SLC60A1: variants seen among roughly 807,000 people sequenced by gnomAD.
SLC60A1 encodes major facilitator superfamily domain containing 4.
the SLC60A1 span, among the ~76,000 whole-genome samples, chr1:205,593,790 TAGC>T: frequency 6.6e-6 from 1 of 152,188 alleles, no homozygotes; most frequent in Non-Finnish European, 1.5e-5. Context: ...ATAACCCTCT[TAGC>T]AGTTCATTTC....
At chr1:205,589,448 G>A in the SLC60A1 span, among the ~76,000 whole-genome samples, 1 of 152,156 alleles carries the variant, frequency 6.6e-6, no homozygotes. Flanking sequence ...AAGTGGGCAG[G>A]AAGCCAATAG....
the SLC60A1 span, chr1:205,597,606 G>A: frequency 1.7e-6 from 1 of 589,954 alleles, no homozygotes; most frequent in Non-Finnish European, 3.1e-6. Context: ...ATATTGCCCA[G>A]ACTGGTCTTG....
At chr1:205,569,048 C>A in the SLC60A1 span, 3 of 1,444,528 alleles carry the variant, frequency 2.1e-6, no homozygotes, top group Non-Finnish European at 2.7e-6. Flanking sequence ...GGACCAGATC[C>A]GCGAGCCCGT....
chr1:205,572,032 G>A, the SLC60A1 span, among the ~76,000 whole-genome samples: 1 of 152,310 alleles, frequency 6.6e-6, no homozygotes, highest in South Asian at 2.1e-4. Flanking sequence ...TGGGGCTTGT[G>A]GATGCCTCCA....
At chr1:205,569,964 G>A in the SLC60A1 span, among the ~76,000 whole-genome samples, 1 of 151,296 alleles carries the variant, frequency 6.6e-6, no homozygotes, top group Non-Finnish European at 1.5e-5. Flanking sequence ...GGACCTCACC[G>A]TTAAGGCCAG....
At chr1:205,586,961 G>A in the SLC60A1 span, among the ~76,000 whole-genome samples, 1 of 152,236 alleles carries the variant, frequency 6.6e-6, no homozygotes, top group East Asian at 1.9e-4. Flanking sequence ...GCCTCCCAAA[G>A]TGCTGGGATT....
chr1:205,597,078 C>G, the SLC60A1 span, among the ~76,000 whole-genome samples: 1 of 152,298 alleles, frequency 6.6e-6, no homozygotes, highest in South Asian at 2.1e-4. Flanking sequence ...AATGCCAGGA[C>G]AGCGAAGACA....
chr1:205,588,146 A>G, the SLC60A1 span, among the ~76,000 whole-genome samples: 1 of 152,144 alleles, frequency 6.6e-6, no homozygotes, highest in East Asian at 1.9e-4. Flanking sequence ...TCCCAAATAC[A>G]TTAGATTCAC....
chr1:205,599,471 C>T, the SLC60A1 span, among the ~76,000 whole-genome samples: 1 of 152,170 alleles, frequency 6.6e-6, no homozygotes, highest in African/African-American at 2.4e-5. Context: ...AGAGCTGGGT[C>T]GGCTGACTCA....
the SLC60A1 span, among the ~76,000 whole-genome samples, chr1:205,584,306 C>A: frequency 6.6e-6 from 1 of 150,894 alleles, no homozygotes; most frequent in Non-Finnish European, 1.5e-5. Context: ...ATTGCAACCT[C>A]CGCCTCCCAG....
the SLC60A1 span, chr1:205,594,974 G>T: frequency 2.0e-5 from 3 of 152,210 alleles, no homozygotes; most frequent in Non-Finnish European, 4.4e-5. Context: ...GCTGCTGGGT[G>T]ATTCTAATGT....
At chr1:205,583,901 TG>T in the SLC60A1 span, 1 of 1,582,354 alleles carries the variant, frequency 6.3e-7, no homozygotes. Flanking sequence ...AGGCCAGGCG[TG>T]GGAAGGGGGA....
At chr1:205,589,309 C>A in the SLC60A1 span, among the ~76,000 whole-genome samples, 1 of 152,026 alleles carries the variant, frequency 6.6e-6, no homozygotes, top group Admixed American at 6.5e-5. Flanking sequence ...GGGTTAGGGG[C>A]TAGGAGGCTA....
the SLC60A1 span, chr1:205,580,648 C>T: frequency 1.9e-6 from 3 of 1,601,576 alleles, no homozygotes; most frequent in Admixed American, 1.7e-5. This position sits in a 1 kb window ranked among gnomAD's most constrained non-coding sequence, Gnocchi z 5.0. Flanking sequence ...CGCCACCTCT[C>T]CTCTGTCCCC....
the SLC60A1 span, chr1:205,583,967 A>G: frequency 6.2e-7 from 1 of 1,613,418 alleles, no homozygotes; most frequent in South Asian, 1.1e-5. Flanking sequence ...TCCAGTGCCC[A>G]TGGCTGTGCT....
the SLC60A1 span, chr1:205,592,373 T>A: frequency 1.5e-6 from 2 of 1,308,542 alleles, no homozygotes; most frequent in Admixed American, 3.0e-5. Context: ...GTGCTCTTTT[T>A]TTTTTTTTTT....
chr1:205,586,693 G>A, the SLC60A1 span, among the ~76,000 whole-genome samples: 1 of 145,614 alleles, frequency 6.9e-6, no homozygotes, highest in Non-Finnish European at 1.5e-5. Context: ...GCTCTCCTAG[G>A]TGACTCTTTT....
At chr1:205,592,269 G>A in the SLC60A1 span, 1 of 1,613,944 alleles carries the variant, frequency 6.2e-7, no homozygotes, top group Non-Finnish European at 8.5e-7. Context: ...CTACACGGAG[G>A]ACTCGCTGCA....
At chr1:205,579,430 TG>T in the SLC60A1 span, 6 of 528,842 alleles carry the variant, frequency 1.1e-5, no homozygotes, top group Non-Finnish European at 1.7e-5. Context: ...CTGAAAAGGG[TG>T]GGGAATATTT....
Sources: gnomAD v4.1 joint callset for allele counts (sites outside exome capture counted in the v4.1 genomes callset) on GRCh38, gnomAD v4.1.1 for gene constraint, Gnocchi (gnomAD v3.1) non-coding constraint, MANE v1.5 for transcripts, NCBI Gene and HGNC (gene_info 2026-07-23, HGNC 2026-07-21) for gene names.